LPA: variants seen among roughly 807,000 people sequenced by gnomAD.
LPA encodes the protein apolipoprotein(a).
A neutral mutation model predicts 197.9 loss-of-function variants in LPA; 199 were observed. The observed-to-expected ratio is 1.01, with a 90% confidence interval of 0.90 to 1.13. The LOEUF is 1.13. Among genes scored for constraint, LPA ranks in the 50% most tolerant of loss-of-function variants. The pLI is 0.00. For synonymous variants in LPA, 715 were observed against 639.5 expected (o/e 1.12, Z -1.78); for missense variants, 1,853 against 1,785.8 (o/e 1.04, Z -0.68).
chr6:160,586,208 G>A (rs554633696), intron 25 of LPA, among the ~76,000 whole-genome samples: 1 of 152,274 alleles, frequency 6.6e-6, no homozygotes, highest in South Asian at 2.1e-4. Context: ...TAACAGGGAA[G>A]TGATAAATCC....
At chr6:160,647,355 C>G (rs770611526) in intron 2 of LPA, among the ~76,000 whole-genome samples, 5 of 152,164 alleles carry the variant, frequency 3.3e-5, no homozygotes, top group African/African-American at 7.2e-5. Flanking sequence ...GAACGTTGCT[C>G]CAACCTCTCA....
At chr6:160,593,300 C>A (rs113280576) in intron 22 of LPA, among the ~76,000 whole-genome samples, 5 of 152,270 alleles carry the variant, frequency 3.3e-5, no homozygotes, top group African/African-American at 1.2e-4. Context: ...TGTTGTCCAA[C>A]CTATGAAAAC....
chr6:160,654,028 A>AATATAT, intron 1 of LPA, among the ~76,000 whole-genome samples: 1 of 6,772 alleles, frequency 1.5e-4, no homozygotes, highest in East Asian at 4.8e-3. Flanking sequence ...ATAATATATA[A>AATATAT]TATATATTAT....
intron 22 of LPA, among the ~76,000 whole-genome samples, chr6:160,591,717 C>T (rs9457946): frequency 0.41 from 61,641 of 152,086 alleles, 13,239 homozygotes; most frequent in African/African-American, 0.56. Flanking sequence ...GTCATCTGTT[C>T]AGCCAGACTG....
chr6:160,555,979 C>A (rs989959919), intron 30 of LPA, 46 bp downstream of exon 30: 1 of 1,397,346 alleles, frequency 7.2e-7, no homozygotes, highest in East Asian at 2.3e-5. Context: ...CTAGGAGGAA[C>A]TTAAGTTGGC....
At chr6:160,604,833 C>G (rs1385079618) in intron 18 of LPA, among the ~76,000 whole-genome samples, 2 of 152,110 alleles carry the variant, frequency 1.3e-5, no homozygotes, top group East Asian at 1.9e-4. Flanking sequence ...CTCCAGATAC[C>G]TTTCTGCTCC....
rs763222955 is a variant in LPA at position 160,611,643 on chromosome 6, G to A, written c.2522C>T (p.Thr841Ile). Residue 841 changes from threonine (T) to isoleucine (I), a missense_variant, in exon 16 of 39, where the codon ACT (threonine) becomes ATT (isoleucine). Coordinates refer to ENST00000316300, the MANE Select transcript of LPA (RefSeq NM_005577.4). ...GQSYRGTYST[T>I]VTGRTCQAWS... ...AGCTTGGCAGGTTCTTCCAGTGACA[G>A]TGGTGGAGTATGTGCCTCGATAACT... 3 of 1,577,556 alleles carry A rather than the reference G, an allele frequency of 1.9e-6. No homozygotes were observed. The highest frequency in any genetic ancestry group is 1.4e-5 in the African/African-American group (1 of 72,484).
At chr6:160,577,426 G>C (rs1458042813) in intron 27 of LPA, 131 bp from the exon 28 acceptor site, 3 of 789,036 alleles carry the variant, frequency 3.8e-6, no homozygotes, top group East Asian at 2.7e-5. Context: ...AGTAGCAAAA[G>C]GATGTGAAAA....
chr6:160,605,877 A>G (rs1206212608), intron 17 of LPA, among the ~76,000 whole-genome samples: 4 of 152,204 alleles, frequency 2.6e-5, no homozygotes, highest in African/African-American at 9.6e-5. Flanking sequence ...CAGACCGCTC[A>G]CAGGTACAAC....
chr6:160,660,825 G>A (rs1242867018), intron 1 of LPA, among the ~76,000 whole-genome samples: 2 of 152,144 alleles, frequency 1.3e-5, no homozygotes, highest in Admixed American at 6.6e-5. Context: ...TTTGTACTAG[G>A]CTTACTACAG....
intron 16 of LPA, 49 bp downstream of exon 16, chr6:160,611,513 A>G (rs922226140): frequency 6.2e-7 from 1 of 1,603,542 alleles, no homozygotes; most frequent in Admixed American, 1.7e-5. Flanking sequence ...CTTGTCACAG[A>G]AACTTCAGTT....
rs1583590508 is a variant in LPA at position 160,576,384 on chromosome 6, A to ATATG, written c.4631+751_4631+752insCATA. Among the ~76,000 whole-genome samples, 11 of 73,004 alleles carry ATATG rather than the reference A, an allele frequency of 1.5e-4. No homozygotes were observed. In the East Asian group the frequency reaches 2.2e-3, roughly 15 times the overall value. 47.9% of individuals were successfully genotyped at this position (73,004 alleles called of 152,430 possible). On this transcript the variant is annotated intron_variant, in intron 28 of 38. Transcript: ENST00000316300. ...TATATATACATATATATATATATAT[A>ATATG]TATATGTATATATATATATATATAT...
At chr6:160,664,096 T>A (rs1780269616) in intron 1 of LPA, 70 bp downstream of exon 1, 5 of 1,286,926 alleles carry the variant, frequency 3.9e-6, no homozygotes, top group Non-Finnish European at 4.5e-6. Flanking sequence ...CATAAAGCCA[T>A]GGCATATGTA....
At chr6:160,654,633 A>G (rs2115105926) in intron 1 of LPA, among the ~76,000 whole-genome samples, 2 of 152,278 alleles carry the variant, frequency 1.3e-5, no homozygotes, top group South Asian at 4.1e-4. Context: ...ATACAACCAG[A>G]AACGCACCAA....
At chr6:160,569,775 C>A (rs1014653770) in intron 28 of LPA, among the ~76,000 whole-genome samples, 21 of 152,038 alleles carry the variant, frequency 1.4e-4, no homozygotes, top group Non-Finnish European at 1.5e-5. Flanking sequence ...AGAACATAAA[C>A]AAATTTACAA....
chr6:160,578,357 TG>T lies in LPA; in HGVS notation c.4471+165del, dbSNP rs1454775098. ...CTAAAGACACTGCCTCCTCACAGCG[TG>T]CCAAAAATCACAGTTCTGGATCCCC... On this transcript the variant is annotated intron_variant, in intron 27 of 38. Coordinates refer to ENST00000316300, the MANE Select transcript of LPA (RefSeq NM_005577.4). Among the ~76,000 whole-genome samples the T allele has an allele frequency of 2.6e-5, 4 of 152,028 alleles. No homozygotes were observed. The East Asian group carries it at 7.7e-4, about 29-fold the overall frequency.
intron 26 of LPA, among the ~76,000 whole-genome samples, chr6:160,584,239 C>CTT (rs1562331288): frequency 0.035 from 2,888 of 81,386 alleles, 43 homozygotes; most frequent in Non-Finnish European, 0.038. Context: ...TCTTCTTCTT[C>CTT]CTCCTCCTCC....
At chr6:160,568,580 A>G (rs1464132737) in intron 28 of LPA, among the ~76,000 whole-genome samples, 2 of 152,254 alleles carry the variant, frequency 1.3e-5, no homozygotes, top group Non-Finnish European at 2.9e-5. Context: ...CTGGCACAAG[A>G]CAGGGATGCC....
chr6:160,635,001 G>A, intron 7 of LPA, 122 bp downstream of exon 7: 2 of 1,507,132 alleles, frequency 1.3e-6, no homozygotes, highest in South Asian at 2.2e-5. Context: ...CCCCCAACAT[G>A]GCAGAACTCC....
Sources: gnomAD v4.1 joint callset for allele counts (sites outside exome capture counted in the v4.1 genomes callset) on GRCh38, gnomAD v4.1.1 for gene constraint, MANE v1.5 for transcripts, NCBI Gene and HGNC (gene_info 2026-07-23, HGNC 2026-07-21) for gene names.